The following SAMD12 variants were observed in gnomAD, a reference collection of about 807,000 sequenced individuals.
The protein encoded by SAMD12 is sterile alpha motif domain-containing protein 12.
A neutral mutation model predicts 15.0 loss-of-function variants in SAMD12; 9 were observed. That is an observed-to-expected ratio of 0.60 (90% CI 0.36 to 1.05). The LOEUF is 1.05. Ranked by LOEUF, SAMD12 falls within the 50% of genes least tolerant of loss-of-function variation. The probability of loss-of-function intolerance (pLI) is 0.01; values close to 1 mark genes in which losing one functional copy is unlikely to be tolerated. For missense variants in SAMD12, 230 were observed against 234.2 expected (o/e 0.98, Z 0.12); for synonymous variants, 86 against 90.1 (o/e 0.96, Z 0.25).
At chr8:118,461,493 C>T (rs781412499) in intron 2 of SAMD12, among the ~76,000 whole-genome samples, 18 of 152,132 alleles carry the variant, frequency 1.2e-4, no homozygotes, top group Non-Finnish European at 2.5e-4. Flanking sequence ...CTCCCAATTC[C>T]GTTCTTCTCA....
chr8:118,258,378 A>G (rs1249478188), intron 4 of SAMD12, among the ~76,000 whole-genome samples: 1 of 152,058 alleles, frequency 6.6e-6, no homozygotes, highest in African/African-American at 2.4e-5. Context: ...CACACCTTAC[A>G]TGAGTTTATT....
intron 4 of SAMD12, among the ~76,000 whole-genome samples, chr8:118,250,993 A>G (rs998675685): frequency 1.3e-5 from 2 of 152,082 alleles, no homozygotes; most frequent in African/African-American, 4.8e-5. Context: ...CCACCCTATT[A>G]TTACTGCCAT....
intron 2 of SAMD12, among the ~76,000 whole-genome samples, chr8:118,478,642 C>A (rs1445957475): frequency 6.6e-6 from 1 of 152,224 alleles, no homozygotes; most frequent in African/African-American, 2.4e-5. Flanking sequence ...AATGGCAGAA[C>A]TGACCAGGCA....
At chr8:118,209,028 C>T (rs1398511158) in intron 4 of SAMD12, among the ~76,000 whole-genome samples, 2 of 152,192 alleles carry the variant, frequency 1.3e-5, no homozygotes, top group African/African-American at 4.8e-5. Context: ...ATCTTGTTTA[C>T]ATAAACCTCT....
At chr8:118,279,285 A>C (rs1045258264) in intron 4 of SAMD12, among the ~76,000 whole-genome samples, 2 of 152,200 alleles carry the variant, frequency 1.3e-5, no homozygotes, top group Admixed American at 6.5e-5. Context: ...GGTGGTGTTT[A>C]GTTCTGCTAC....
chr8:118,228,755 A>C (rs1214891797), intron 4 of SAMD12, among the ~76,000 whole-genome samples: 1 of 152,198 alleles, frequency 6.6e-6, no homozygotes, highest in Non-Finnish European at 1.5e-5. Context: ...TAAAAATAGA[A>C]CTACTATTTG....
At chr8:118,413,902 G>A (rs533787156) in intron 3 of SAMD12, among the ~76,000 whole-genome samples, 9 of 135,912 alleles carry the variant, frequency 6.6e-5, no homozygotes. Context: ...CATTATGAAA[G>A]ATAATTGAGC....
chr8:118,492,926 CCAAT>C (rs1233552515), intron 2 of SAMD12, among the ~76,000 whole-genome samples: 1 of 152,102 alleles, frequency 6.6e-6, no homozygotes, highest in Admixed American at 6.5e-5. Context: ...CTTAAAATCT[CCAAT>C]CAAAGATACT....
intron 4 of SAMD12, among the ~76,000 whole-genome samples, chr8:118,214,120 A>G (rs888525990): frequency 6.6e-6 from 1 of 152,196 alleles, no homozygotes; most frequent in Non-Finnish European, 1.5e-5. Context: ...ATCATAGTGG[A>G]AACAAGCATG....
At chr8:118,258,890 G>A (rs555971880) in intron 4 of SAMD12, among the ~76,000 whole-genome samples, 1 of 152,194 alleles carries the variant, frequency 6.6e-6, no homozygotes, top group East Asian at 1.9e-4. Context: ...GCCTCTGCTT[G>A]ACTCAAATAA....
intron 2 of SAMD12, among the ~76,000 whole-genome samples, chr8:118,533,219 G>C (rs554044177): frequency 6.6e-6 from 1 of 152,282 alleles, no homozygotes; most frequent in Admixed American, 6.5e-5. Context: ...TTCAGGAGCA[G>C]GTTGTTGAGT....
chr8:118,282,428 G>A (rs1354570387), intron 4 of SAMD12: 2 of 448,964 alleles, frequency 4.5e-6, no homozygotes, highest in African/African-American at 4.0e-5. Flanking sequence ...CAGTCCAAAG[G>A]AAGGGTAACT....
At chr8:118,530,275 CTG>C (rs1255221500) in intron 2 of SAMD12, among the ~76,000 whole-genome samples, 1 of 152,142 alleles carries the variant, frequency 6.6e-6, no homozygotes, top group South Asian at 2.1e-4. Flanking sequence ...CATGAGTAGA[CTG>C]TGTGTCACAG....
At chr8:118,246,970 C>T (rs28370853) in intron 4 of SAMD12, among the ~76,000 whole-genome samples, 1,870 of 152,060 alleles carry the variant, frequency 0.012, 49 homozygotes, top group African/African-American at 0.043. Context: ...GGGTTTCCCT[C>T]AGTAGGTGAA....
chr8:118,332,384 C>T (rs1054525509), intron 4 of SAMD12, among the ~76,000 whole-genome samples: 2 of 152,204 alleles, frequency 1.3e-5, no homozygotes, highest in Non-Finnish European at 2.9e-5. Flanking sequence ...CTCATTAAAA[C>T]TAGAAATGAC....
At chr8:118,538,271 C>G (rs1489435332) in intron 2 of SAMD12, among the ~76,000 whole-genome samples, 4 of 152,222 alleles carry the variant, frequency 2.6e-5, no homozygotes, top group African/African-American at 9.6e-5. Flanking sequence ...TATTGTCTCC[C>G]TAGGTCACAT....
At chr8:118,388,879 G>A (rs1166390403) in intron 3 of SAMD12, among the ~76,000 whole-genome samples, 1 of 152,066 alleles carries the variant, frequency 6.6e-6, no homozygotes, top group Non-Finnish European at 1.5e-5. Context: ...AGTAAAGTAG[G>A]GTGAGAGGAG....
intron 3 of SAMD12, among the ~76,000 whole-genome samples, chr8:118,432,464 G>C (rs751247391): frequency 1.5e-4 from 23 of 152,180 alleles, no homozygotes; most frequent in Admixed American, 3.9e-4. Context: ...ATCTAATGGG[G>C]GCAGTCATCA....
chr8:118,512,587 A>G (rs1026024909), intron 2 of SAMD12, among the ~76,000 whole-genome samples: 6 of 152,242 alleles, frequency 3.9e-5, no homozygotes, highest in African/African-American at 1.4e-4. Flanking sequence ...TGAGTTTTCC[A>G]TTTTAGTCCT....
Sources: allele counts gnomAD v4.1 joint callset (sites outside exome capture counted in the v4.1 genomes callset), GRCh38; gene constraint gnomAD v4.1.1; transcripts MANE v1.5; gene names NCBI Gene and HGNC (gene_info 2026-07-23, HGNC 2026-07-21).